GLI3: variants seen among roughly 807,000 people sequenced by gnomAD.
GLI3 encodes GLI family zinc finger 3, also known as transcription activator GLI3.
In GLI3, 20 loss-of-function variants were observed where a neutral mutation model predicts 100.8. The observed-to-expected ratio is 0.20, with a 90% CI of 0.14 to 0.29. The LOEUF is 0.29. GLI3 is among the 10% of genes least tolerant of loss of function. GLI3 has a pLI of 1.00. For synonymous variants in GLI3, 938 were observed against 860.5 expected, an observed-to-expected ratio of 1.09 and a Z score of -1.58; for missense variants, 2,040 against 2,128.5, an observed-to-expected ratio of 0.96 and a Z score of 0.82.
In GLI3 at chr7:41,966,762, G is replaced by A. The variant is rs1787197688; in HGVS notation, c.2432-121C>T. 2 of 958,584 alleles carry A rather than the reference G, an allele frequency of 2.1e-6. No individual in the cohort carries two copies. Among genetic ancestry groups the A allele is most frequent in the Non-Finnish European group, 3.3e-6 (2 of 612,050 alleles). The allele number at this position is 958,584 out of a possible 1,614,324, so 59.4% of individuals were successfully genotyped here. A position where few individuals can be genotyped will look rare whatever the true frequency, so the allele number is the denominator to read the frequency against. Reference sequence around the variant, plus strand: ...CTAGGAACTATTTCTGGTGTCCCAGGCCACATTGCCTGCCTCACAACTACT... The same window carrying A: ...CTAGGAACTATTTCTGGTGTCCCAGACCACATTGCCTGCCTCACAACTACT... On this transcript the variant is annotated intron_variant, in intron 14 of 14. Transcript: ENST00000395925. This position sits in a 1 kb window ranked among gnomAD's most constrained non-coding sequence, Gnocchi z 5.8.
At chr7:42,169,830 A>G (rs1244600061) in intron 2 of GLI3, among the ~76,000 whole-genome samples, 1 of 152,158 alleles carries the variant, frequency 6.6e-6, no homozygotes, top group Admixed American at 6.5e-5. Context: ...TATCTGTGAG[A>G]AGTCAATTAC....
At chr7:42,209,696 A>G (rs1788223783) in intron 2 of GLI3, among the ~76,000 whole-genome samples, 1 of 152,150 alleles carries the variant, frequency 6.6e-6, no homozygotes, top group Admixed American at 6.5e-5. Flanking sequence ...TGCAGGCAGA[A>G]TCTTTTGAAT....
intron 10 of GLI3, among the ~76,000 whole-genome samples, chr7:41,981,029 A>C (rs1280830178): frequency 6.6e-6 from 1 of 152,246 alleles, no homozygotes; most frequent in Non-Finnish European, 1.5e-5. Context: ...TCTCCAATGA[A>C]GCAGCATTTA....
chr7:41,991,309 T>C (rs1787981844), intron 10 of GLI3, among the ~76,000 whole-genome samples: 1 of 152,196 alleles, frequency 6.6e-6, no homozygotes, highest in Non-Finnish European at 1.5e-5. Context: ...CCAGGGCTTT[T>C]CCAGGTTTGT....
At position 42,210,286 on chromosome 7, in the gene GLI3, G is replaced by A. The variant is rs371221741; in HGVS notation, c.124+12844C>T. Among the ~76,000 whole-genome samples the A allele has an allele frequency of 1.1e-3, 165 of 144,120 alleles. 1 individual carries two copies. The highest frequency in any genetic ancestry group is 4.0e-3 in the African/African-American group (153 of 38,102). The allele number at this position is 144,120 out of a possible 152,430, so 94.5% of individuals were successfully genotyped here. ...ACAAGAGAGAATTTCTATAAAAATT[G>A]TACTCTTGTTTTTAAGCACATATAA... On this transcript the variant is annotated intron_variant, in intron 2 of 14. Transcript: ENST00000395925.
chr7:42,206,645 C>G (rs1390370345), intron 2 of GLI3, among the ~76,000 whole-genome samples: 3 of 152,076 alleles, frequency 2.0e-5, no homozygotes, highest in African/African-American at 7.2e-5. Context: ...AGCCAAGAGC[C>G]ATTTGAAAAG....
At chr7:42,101,303 A>C (rs562146788) in intron 3 of GLI3, among the ~76,000 whole-genome samples, 2 of 152,240 alleles carry the variant, frequency 1.3e-5, no homozygotes, top group East Asian at 3.9e-4. Context: ...TTCTGGGGTG[A>C]TAAATAAAAA....
intron 2 of GLI3, among the ~76,000 whole-genome samples, chr7:42,178,900 T>A (rs990523576): frequency 6.6e-6 from 1 of 151,924 alleles, no homozygotes; most frequent in Non-Finnish European, 1.5e-5. Context: ...TTGACAGACA[T>A]GAGCGAGTCA....
chr7:42,246,805 C>CTTTTTTTTTTTTTTTTT lies in GLI3; in HGVS notation c.-43+17172_-43+17188dup, dbSNP rs71006467. The stretch of plus-strand genomic sequence containing the variant: ...TTAAAGGCTCATTGGATGATAGAAT[C>CTTTTTTTTTTTTTTTTT]TTTTTTTTTTTTTTTTTTTTTTTTT... On this transcript the variant is annotated intron_variant, in intron 1 of 2. Coordinates refer to the GLI3 transcript ENST00000678978. Among the ~76,000 whole-genome samples the CTTTTTTTTTTTTTTTTT allele has an allele frequency of 1.4e-3, 134 of 94,966 alleles. 19 individuals are homozygous for CTTTTTTTTTTTTTTTTT. The highest frequency in any genetic ancestry group is 1.8e-3 in the Non-Finnish European group (88 of 49,222). The allele number at this position is 94,966 out of a possible 152,430, so 62.3% of individuals were successfully genotyped here. A position where few individuals can be genotyped will look rare whatever the true frequency, so the allele number is the denominator to read the frequency against.
At chr7:42,127,363 T>C (rs1786159787) in intron 3 of GLI3, among the ~76,000 whole-genome samples, 1 of 152,232 alleles carries the variant, frequency 6.6e-6, no homozygotes, top group Admixed American at 6.5e-5. Flanking sequence ...CACTGACATG[T>C]ACTTCATGTG....
At chr7:42,067,145 T>C (rs937522869) in intron 4 of GLI3, among the ~76,000 whole-genome samples, 2 of 152,224 alleles carry the variant, frequency 1.3e-5, no homozygotes, top group African/African-American at 4.8e-5. Context: ...GTTATATCCC[T>C]GGCAAATAAC....
At chr7:42,008,040 A>T (rs971352775) in intron 10 of GLI3, among the ~76,000 whole-genome samples, 7 of 152,236 alleles carry the variant, frequency 4.6e-5, no homozygotes, top group African/African-American at 1.7e-4. Context: ...ATAGGCATGT[A>T]ACTGGCTTGC....
intron 1 of GLI3, among the ~76,000 whole-genome samples, chr7:42,263,176 G>A (rs1360890856): frequency 6.6e-6 from 1 of 152,144 alleles, no homozygotes. Flanking sequence ...CGCCTTCTGA[G>A]TGCTTACTAT....
intron 7 of GLI3, among the ~76,000 whole-genome samples, chr7:42,039,521 A>G (rs146606175): frequency 1.3e-5 from 2 of 152,314 alleles, no homozygotes; most frequent in East Asian, 3.9e-4. Context: ...ATTTCCTCTG[A>G]TATCTATGCT....
intron 1 of GLI3, among the ~76,000 whole-genome samples, chr7:42,250,088 C>CT (rs1789015939): frequency 7.2e-6 from 1 of 139,612 alleles, no homozygotes; most frequent in Non-Finnish European, 1.6e-5. Flanking sequence ...GAGCAAGACT[C>CT]TGTCTCAACA....
intron 1 of GLI3, among the ~76,000 whole-genome samples, chr7:42,256,906 A>C (rs1028599330): frequency 2.0e-5 from 3 of 152,180 alleles, no homozygotes; most frequent in African/African-American, 7.2e-5. Context: ...CCAGTCCATG[A>C]ATATGGAATT....
At chr7:42,201,529 T>C (rs985620743) in intron 2 of GLI3, among the ~76,000 whole-genome samples, 2 of 152,152 alleles carry the variant, frequency 1.3e-5, no homozygotes, top group Non-Finnish European at 2.9e-5. Context: ...AGAAGTCACT[T>C]TGGGGCTGTA....
chr7:42,249,959 G>T (rs1789014733), intron 1 of GLI3, among the ~76,000 whole-genome samples: 1 of 152,092 alleles, frequency 6.6e-6, no homozygotes, highest in Non-Finnish European at 1.5e-5. Flanking sequence ...GCCAGGCATG[G>T]TGTTGCATAC....
chr7:42,048,453 T>C (rs1407534287), intron 5 of GLI3, 38 bp downstream of exon 5: 1 of 1,352,844 alleles, frequency 7.4e-7, no homozygotes, highest in African/African-American at 1.4e-5. Context: ...GGGAGGAGGC[T>C]GCATGATCTC....
Sources: gnomAD v4.1 joint callset for allele counts (sites outside exome capture counted in the v4.1 genomes callset) on GRCh38, gnomAD v4.1.1 for gene constraint, Gnocchi (gnomAD v3.1) non-coding constraint, MANE v1.5 for transcripts, NCBI Gene and HGNC (gene_info 2026-07-23, HGNC 2026-07-21) for gene names.